PRKAR2A: variants seen among roughly 807,000 people sequenced by gnomAD.
PRKAR2A encodes the protein protein kinase cAMP-dependent type II regulatory subunit alpha, also known as cAMP-dependent protein kinase type II-alpha regulatory subunit.
In PRKAR2A, 29 loss-of-function variants were observed where a neutral mutation model predicts 51.9. The observed-to-expected ratio is 0.56, with a 90% CI of 0.42 to 0.76. The LOEUF (loss-of-function observed/expected upper bound fraction) is 0.76. PRKAR2A is among the 30% of genes least tolerant of loss of function. PRKAR2A has a pLI of 0.00. For missense variants in PRKAR2A, 445 were observed against 512.1 expected (o/e 0.87, Z 1.26); for synonymous variants, 178 against 186.2 (o/e 0.96, Z 0.36).
At chr3:48,759,472 T>G (rs2107214596) in intron 8 of PRKAR2A, among the ~76,000 whole-genome samples, 1 of 150,592 alleles carries the variant, frequency 6.6e-6, no homozygotes, top group Non-Finnish European at 1.5e-5. Context: ...CCACAACTTC[T>G]ACCTCCTGGG....
At chr3:48,833,059 A>G (rs1281053567) in intron 1 of PRKAR2A, among the ~76,000 whole-genome samples, 1 of 152,170 alleles carries the variant, frequency 6.6e-6, no homozygotes, top group Non-Finnish European at 1.5e-5. Flanking sequence ...GTTATTGAAA[A>G]TGAATTAGCA....
chr3:48,761,777 T>G (rs888036589), intron 8 of PRKAR2A, among the ~76,000 whole-genome samples: 1 of 152,182 alleles, frequency 6.6e-6, no homozygotes, highest in Non-Finnish European at 1.5e-5. Flanking sequence ...CAAACTCAGC[T>G]AATTTTTTTT....
At chr3:48,781,909 G>C (rs2082202895) in intron 5 of PRKAR2A, among the ~76,000 whole-genome samples, 1 of 152,126 alleles carries the variant, frequency 6.6e-6, no homozygotes, top group Non-Finnish European at 1.5e-5. Flanking sequence ...GCCTCTCAAA[G>C]TGCTAGGATT....
rs2083474186 is a variant in PRKAR2A, at chr3:48,847,044, C to G, written c.262+291G>C. Among the ~76,000 whole-genome samples the G allele has an allele frequency of 6.6e-6, 1 of 152,236 alleles. No homozygotes were observed. The highest frequency in any genetic ancestry group is 2.1e-4 in the South Asian group (1 of 4,836). On this transcript the variant is annotated intron_variant, in intron 1 of 10. Coordinates refer to ENST00000265563, the MANE Select transcript of PRKAR2A (RefSeq NM_004157.4). This position sits in a 1 kb window ranked among gnomAD's most constrained non-coding sequence, Gnocchi z 4.4. Reference sequence around the variant, plus strand: ...GCCAAAACTGGTGAAGGGTCTTAAGCAAAGGCGAGGGATCCTCTAGCAGGG... The same window carrying G: ...GCCAAAACTGGTGAAGGGTCTTAAGGAAAGGCGAGGGATCCTCTAGCAGGG...
intron 1 of PRKAR2A, among the ~76,000 whole-genome samples, chr3:48,837,324 A>G (rs2083302481): frequency 3.9e-5 from 6 of 152,180 alleles, no homozygotes; most frequent in Admixed American, 3.9e-4. Flanking sequence ...AAGAAATGCA[A>G]CTGACAAATA....
chr3:48,765,211 G>A, intron 7 of PRKAR2A, 37 bp downstream of exon 7: 3 of 1,566,020 alleles, frequency 1.9e-6, no homozygotes, highest in Non-Finnish European at 2.6e-6. Context: ...AGCTTTTCCT[G>A]ATCCCCATGA....
rs976993301 is a variant in PRKAR2A, at chr3:48,767,334, C to T, written c.697-1985G>A. 2.0e-5 allele frequency among the ~76,000 whole-genome samples: 3 copies of T among 151,628 alleles called. No individual in the cohort carries two copies. The South Asian group carries it at 6.2e-4, about 32-fold the overall frequency. On this transcript the variant is annotated intron_variant, in intron 6 of 10. Transcript: ENST00000265563. ...TCTCTACTAAAAATACAAAAATTAG[C>T]CAGGCATGGTGGTGGGCGCCTGTAA... is the stretch of plus-strand genomic sequence containing the variant.
At chr3:48,840,737 C>T (rs1266375747) in intron 1 of PRKAR2A, among the ~76,000 whole-genome samples, 32 of 149,570 alleles carry the variant, frequency 2.1e-4, no homozygotes, top group African/African-American at 6.8e-4. Flanking sequence ...CCACCACGCC[C>T]GGCTTATATT....
chr3:48,817,680 A>G (rs1466312302), intron 1 of PRKAR2A, among the ~76,000 whole-genome samples: 1 of 149,666 alleles, frequency 6.7e-6, no homozygotes, highest in Non-Finnish European at 1.5e-5. Flanking sequence ...AAATAAATAA[A>G]AATAAAAAAT....
Position 48,787,876 on chromosome 3 carries a change from G to T in PRKAR2A, c.435+2668C>A, listed in dbSNP as rs78591217. On this transcript the variant is annotated intron_variant, in intron 4 of 10. Transcript: ENST00000265563. ...TGACCAGCCCAGATTCCTAAGGAGGGCTGTGGAAATGTCTTCAGAAGCCTT... is the reference window on the plus strand; with the variant it reads ...TGACCAGCCCAGATTCCTAAGGAGGTCTGTGGAAATGTCTTCAGAAGCCTT... Among the ~76,000 whole-genome samples the T allele has an allele frequency of 1.7e-3, 265 of 152,266 alleles. 1 individual carries two copies. Among genetic ancestry groups the T allele is most frequent in the African/African-American group, 5.7e-3 (238 of 41,558 alleles).
intron 1 of PRKAR2A, among the ~76,000 whole-genome samples, chr3:48,808,302 G>T (rs1559633362): frequency 6.6e-6 from 1 of 152,128 alleles, no homozygotes; most frequent in Non-Finnish European, 1.5e-5. Flanking sequence ...CGCCCAGGCT[G>T]GAGTGCAGTG....
At chr3:48,777,430 G>A (rs909288110) in intron 5 of PRKAR2A, among the ~76,000 whole-genome samples, 3 of 152,098 alleles carry the variant, frequency 2.0e-5, no homozygotes, top group African/African-American at 7.2e-5. Flanking sequence ...TTTTGAGTTG[G>A]AGTCTCGCCC....
At position 48,840,566 on chromosome 3, in the gene PRKAR2A, C is replaced by T. The variant is rs1366310356; in HGVS notation, c.262+6769G>A. 8.7e-5 allele frequency among the ~76,000 whole-genome samples: 11 copies of T among 126,430 alleles called. No individual in the cohort carries two copies. In the East Asian group the frequency reaches 2.0e-3, roughly 23 times the overall value. 82.9% of individuals were successfully genotyped at this position (126,430 alleles called of 152,430 possible). ...TACCTGGATACCTGGTTTGTTTTCA[C>T]CTTTTTTTTTTTTTTTTTTTTTTTT... On this transcript the variant is annotated intron_variant, in intron 1 of 10. Coordinates refer to ENST00000265563, the MANE Select transcript of PRKAR2A (RefSeq NM_004157.4).
intron 3 of PRKAR2A, among the ~76,000 whole-genome samples, chr3:48,793,715 C>A (rs139392198): frequency 2.6e-5 from 4 of 151,630 alleles, no homozygotes; most frequent in Admixed American, 2.6e-4. Context: ...TGGTCTTGAA[C>A]TCCTGGCCTC....
chr3:48,770,847 T>A (rs895405973), intron 6 of PRKAR2A, among the ~76,000 whole-genome samples: 6 of 152,164 alleles, frequency 3.9e-5, no homozygotes, highest in Non-Finnish European at 8.8e-5. Flanking sequence ...TTAATCCTCA[T>A]ACCCCAGCCA....
At chr3:48,793,951 T>A (rs1175893362) in intron 3 of PRKAR2A, 46 bp downstream of exon 3, 1 of 1,451,144 alleles carries the variant, frequency 6.9e-7, no homozygotes, top group Non-Finnish European at 9.6e-7. Flanking sequence ...GGGGAGTTAA[T>A]GAGAAATAGA....
At chr3:48,788,664 G>A (rs1035810984) in intron 4 of PRKAR2A, among the ~76,000 whole-genome samples, 1 of 152,098 alleles carries the variant, frequency 6.6e-6, no homozygotes, top group Admixed American at 6.6e-5. Flanking sequence ...AATGGGATTA[G>A]TTCCCCTATA....
At chr3:48,842,798 C>T (rs1045325246) in intron 1 of PRKAR2A, among the ~76,000 whole-genome samples, 4 of 152,170 alleles carry the variant, frequency 2.6e-5, no homozygotes, top group Non-Finnish European at 4.4e-5. Context: ...TTTTGATGTG[C>T]TGCTGGATTC....
chr3:48,766,156 GC>G (rs2081937720), intron 6 of PRKAR2A, among the ~76,000 whole-genome samples: 1 of 151,860 alleles, frequency 6.6e-6, no homozygotes, highest in South Asian at 2.1e-4. Context: ...GGTCAAAGCT[GC>G]AGTGAGTTGT....
Sources: gnomAD v4.1 joint callset for allele counts (sites outside exome capture counted in the v4.1 genomes callset) on GRCh38, gnomAD v4.1.1 for gene constraint, Gnocchi (gnomAD v3.1) non-coding constraint, MANE v1.5 for transcripts, NCBI Gene and HGNC (gene_info 2026-07-23, HGNC 2026-07-21) for gene names.